Variants in VAPA observed in about 807,000 individuals in gnomAD.
VAPA encodes the protein vesicle-associated membrane protein-associated protein A.
Under a neutral mutation model 25.6 loss-of-function variants are expected in VAPA, and 6 were observed. The observed-to-expected ratio is 0.23, with a 90% CI of 0.13 to 0.46. The LOEUF (loss-of-function observed/expected upper bound fraction) is 0.46. Ranked by LOEUF, VAPA falls within the 20% of genes least tolerant of loss-of-function variation. The pLI, the probability that VAPA is intolerant of heterozygous loss-of-function variation, is 0.99. For synonymous variants in VAPA, 112 were observed against 106.2 expected (o/e 1.05, Z -0.34); for missense variants, 244 against 302.1 (o/e 0.81, Z 1.43).
At chr18:9,929,656 T>C (rs2069233070) in intron 1 of VAPA, among the ~76,000 whole-genome samples, 1 of 152,212 alleles carries the variant, frequency 6.6e-6, no homozygotes, top group South Asian at 2.1e-4. Flanking sequence ...AGCTATTAAA[T>C]CTGGTTATTC....
chr18:9,952,120 G>A (rs1434683199), intron 5 of VAPA, among the ~76,000 whole-genome samples: 1 of 152,098 alleles, frequency 6.6e-6, no homozygotes, highest in Non-Finnish European at 1.5e-5. Flanking sequence ...AGTGGAAACA[G>A]TGAGAATGAC....
Position 9,954,705 on chromosome 18 carries a change from A to G in VAPA, c.*494A>G, listed in dbSNP as rs2069526590. Reference sequence around the variant, plus strand: ...TTCCTCCTTTACCTTTGCTAATATCATGGCAGAATTTTTCTTATCCCTTGT... The same window carrying G: ...TTCCTCCTTTACCTTTGCTAATATCGTGGCAGAATTTTTCTTATCCCTTGT... On this transcript the variant is annotated 3_prime_UTR_variant, in exon 6 of 6. Coordinates refer to ENST00000400000, the MANE Select transcript of VAPA (RefSeq NM_194434.3). The G allele has an allele frequency of 6.5e-6, 1 of 152,768 alleles. No individual in the cohort carries two copies. The highest frequency in any genetic ancestry group is 2.4e-5 in the African/African-American group (1 of 41,404). The allele number at this position is 152,768 out of a possible 1,614,324, so 9.5% of individuals were successfully genotyped here. A position where few individuals can be genotyped will look rare whatever the true frequency, so the allele number is the denominator to read the frequency against.
chr18:9,919,668 A>C (rs1371786423), intron 1 of VAPA, among the ~76,000 whole-genome samples: 1 of 152,228 alleles, frequency 6.6e-6, no homozygotes, highest in African/African-American at 2.4e-5. Context: ...CATTTACCAT[A>C]CTGAAAGAGG....
chr18:9,916,727 A>G (rs955586444), intron 1 of VAPA, among the ~76,000 whole-genome samples: 4 of 152,238 alleles, frequency 2.6e-5, no homozygotes, highest in Admixed American at 6.5e-5. Flanking sequence ...GGCTTAGTTT[A>G]TGATAGAAAA....
At chr18:9,952,624 A>G (rs2069502321) in intron 5 of VAPA, among the ~76,000 whole-genome samples, 2 of 151,410 alleles carry the variant, frequency 1.3e-5, no homozygotes, top group South Asian at 4.2e-4. Flanking sequence ...TTCAGACCCT[A>G]TACACAGGCC....
rs370956943 is a variant in VAPA, at chr18:9,931,942, G to A, written c.212G>A (p.Gly71Glu). 4.4e-6 allele frequency: 7 copies of A among 1,601,928 alleles called. No homozygotes were observed. Among genetic ancestry groups the A allele is most frequent in the African/African-American group, 2.7e-5 (2 of 74,352 alleles). ...CCCAACAGTGGAATTATTGACCCAG[G>A]GTCAACTGTGACTGTTTCAGGTAGC... Reference protein sequence around the residue: ...VRPNSGIIDPGSTVTVSVMLQ... With the variant: ...VRPNSGIIDPESTVTVSVMLQ... Residue 71 changes from glycine to glutamate, a missense_variant, in exon 2 of 6, where the codon GGG (glycine) becomes GAG (glutamate). Transcript: ENST00000400000.
At position 9,957,910 on chromosome 18, in the gene VAPA, A is replaced by G. The variant is rs547717913; in HGVS notation, c.*3699A>G. 6 of 152,330 alleles carry G rather than the reference A, an allele frequency of 3.9e-5. No homozygotes were observed. The South Asian group carries it at 8.3e-4, about 21-fold the overall frequency. The allele number at this position is 152,330 out of a possible 1,614,324, so 9.4% of individuals were successfully genotyped here. A position where few individuals can be genotyped will look rare whatever the true frequency, so the allele number is the denominator to read the frequency against. Reference sequence around the variant, plus strand: ...TTCATAGCCCCACTTTTGGTAGACTACCACCACGCTTCTTCGCGTAAGCAG... The same window carrying G: ...TTCATAGCCCCACTTTTGGTAGACTGCCACCACGCTTCTTCGCGTAAGCAG... On this transcript the variant is annotated 3_prime_UTR_variant, in exon 6 of 6. Transcript: ENST00000400000.
intron 1 of VAPA, among the ~76,000 whole-genome samples, chr18:9,917,655 T>A (rs2069122943): frequency 6.6e-6 from 1 of 152,232 alleles, no homozygotes; most frequent in Non-Finnish European, 1.5e-5. Context: ...AATATATTCT[T>A]AATGATCAGA....
intron 1 of VAPA, among the ~76,000 whole-genome samples, chr18:9,919,150 T>A (rs1020358152): frequency 2.0e-5 from 3 of 152,246 alleles, no homozygotes; most frequent in Admixed American, 1.3e-4. Flanking sequence ...CCTAAAGTGC[T>A]GGGATTACAG....
At position 9,950,581 on chromosome 18, in the gene VAPA, G is replaced by A. The variant is rs367724207; in HGVS notation, c.591+13G>A. 3.1e-6 allele frequency: 5 copies of A among 1,605,976 alleles called. No homozygotes were observed. The highest frequency in any genetic ancestry group is 1.1e-5 in the South Asian group (1 of 89,366). ...TCGGCACCTGAGAGTAAGTTCTGTTGGTTGAAAATAAATTGATTGAAATGA... is the reference window on the plus strand; with the variant it reads ...TCGGCACCTGAGAGTAAGTTCTGTTAGTTGAAAATAAATTGATTGAAATGA... On this transcript the variant is annotated intron_variant, in intron 5 of 5. Coordinates refer to ENST00000400000, the MANE Select transcript of VAPA (RefSeq NM_194434.3).
chr18:9,956,050 C>G lies in VAPA; in HGVS notation c.*1839C>G, dbSNP rs2069546692. On this transcript the variant is annotated 3_prime_UTR_variant, in exon 6 of 6. Coordinates refer to ENST00000400000, the MANE Select transcript of VAPA (RefSeq NM_194434.3). ...ACCAAGTTTGGTATCTCATAGCTAT[C>G]TTTTTTTAAAGAAATTAAGTTCTTG... 1 of 152,150 alleles carries G rather than the reference C, an allele frequency of 6.6e-6. No individual in the cohort carries two copies. The highest frequency in any genetic ancestry group is 1.9e-4 in the East Asian group (1 of 5,202). The allele number at this position is 152,150 out of a possible 1,614,324, so 9.4% of individuals were successfully genotyped here. A position where few individuals can be genotyped will look rare whatever the true frequency, so the allele number is the denominator to read the frequency against.
chr18:9,952,772 C>T (rs1309695876), intron 5 of VAPA, among the ~76,000 whole-genome samples: 3 of 152,134 alleles, frequency 2.0e-5, no homozygotes, highest in Non-Finnish European at 4.4e-5. Flanking sequence ...GTTGACCAGG[C>T]TTGCCCCAGA....
chr18:9,932,392 G>A (rs2069264718), intron 2 of VAPA, among the ~76,000 whole-genome samples: 1 of 152,182 alleles, frequency 6.6e-6, no homozygotes, highest in Non-Finnish European at 1.5e-5. Flanking sequence ...TGTCAAATCA[G>A]ATGAGTCTTT....
chr18:9,954,261 A>G lies in VAPA; in HGVS notation c.*50A>G. Reference sequence around the variant, plus strand: ...CTTTTTTTTTTTTTCTCTTGACCAGAAAAAGATTTGTTTACCTACCATTTC... The same window carrying G: ...CTTTTTTTTTTTTTCTCTTGACCAGGAAAAGATTTGTTTACCTACCATTTC... On this transcript the variant is annotated 3_prime_UTR_variant, in exon 6 of 6. Transcript: ENST00000400000. 6.6e-7 allele frequency: 1 copy of G among 1,524,296 alleles called. No individual in the cohort carries two copies. Among genetic ancestry groups the G allele is most frequent in the Non-Finnish European group, 8.8e-7 (1 of 1,129,980 alleles). The allele number at this position is 1,524,296 out of a possible 1,614,324, so 94.4% of individuals were successfully genotyped here. A position where few individuals can be genotyped will look rare whatever the true frequency, so the allele number is the denominator to read the frequency against.
intron 1 of VAPA, among the ~76,000 whole-genome samples, chr18:9,917,870 T>A (rs905201190): frequency 1.3e-5 from 2 of 152,198 alleles, no homozygotes; most frequent in Non-Finnish European, 2.9e-5. Flanking sequence ...GTGTTTCCAG[T>A]CGGCTCTTCA....
rs1599118310 is a variant in VAPA, at chr18:9,950,167, AATT to A, written c.418-223_418-221del. ...TATTACAGGAAAGAACTTGAACAATAATTATTAAGATACATAATAAAGTGCTAT... is the reference window on the plus strand; with the variant it reads ...TATTACAGGAAAGAACTTGAACAATAATTAAGATACATAATAAAGTGCTAT... On this transcript the variant is annotated intron_variant, in intron 4 of 5. Coordinates refer to ENST00000400000, the MANE Select transcript of VAPA (RefSeq NM_194434.3). 3.7e-5 allele frequency: 16 copies of A among 435,150 alleles called. No homozygotes were observed. The East Asian group carries it at 7.2e-4, about 20-fold the overall frequency. 27.0% of individuals were successfully genotyped at this position (435,150 alleles called of 1,614,324 possible).
chr18:9,916,851 G>C (rs2069115759), intron 1 of VAPA, among the ~76,000 whole-genome samples: 1 of 152,176 alleles, frequency 6.6e-6, no homozygotes, highest in Non-Finnish European at 1.5e-5. Flanking sequence ...TTTAGTTATT[G>C]ATTCTGAGTT....
chr18:9,948,428 T>C (rs1214195752), intron 4 of VAPA: 5 of 152,228 alleles, frequency 3.3e-5, no homozygotes, highest in Admixed American at 2.0e-4. Context: ...TTTTGTTGAT[T>C]TGACAAGATT....
intron 1 of VAPA, chr18:9,915,635 T>C (rs1273334548): frequency 6.6e-6 from 1 of 152,202 alleles, no homozygotes; most frequent in Non-Finnish European, 1.5e-5. Flanking sequence ...ATTAAATCCT[T>C]TATTGTTGTG....
Sources: gnomAD v4.1 joint callset for allele counts (sites outside exome capture counted in the v4.1 genomes callset) on GRCh38, gnomAD v4.1.1 for gene constraint, MANE v1.5 for transcripts, NCBI Gene and HGNC (gene_info 2026-07-23, HGNC 2026-07-21) for gene names.